The following CNTNAP4 variants were observed in gnomAD, a reference collection of about 807,000 sequenced individuals.
CNTNAP4 encodes contactin associated protein family member 4.
A neutral mutation model predicts 148.4 loss-of-function variants in CNTNAP4; 98 were observed. The observed-to-expected ratio is 0.66, with a 90% CI of 0.56 to 0.78. The LOEUF is 0.78. Among genes scored for constraint, CNTNAP4 ranks in the 30% least tolerant of loss-of-function variants. The pLI is 0.00. For synonymous variants in CNTNAP4, 730 were observed against 565.1 expected (o/e 1.29, Z -4.14); for missense variants, 1,935 against 1,565.6 (o/e 1.24, Z -3.98).
intron 2 of CNTNAP4, among the ~76,000 whole-genome samples, chr16:76,342,295 T>G (rs1322167360): frequency 1.3e-5 from 2 of 152,078 alleles, no homozygotes; most frequent in African/African-American, 4.8e-5. Flanking sequence ...TTTTAAAAAT[T>G]TCACAAAGGG....
chr16:76,460,773 A>AAAAAAAAAAAAATAT, intron 8 of CNTNAP4, among the ~76,000 whole-genome samples: 1 of 57,322 alleles, frequency 1.7e-5, no homozygotes, highest in Non-Finnish European at 3.3e-5. Context: ...AAAAAAAAAA[A>AAAAAAAAAAAAATAT]ATATATATAT....
intron 1 of CNTNAP4, among the ~76,000 whole-genome samples, chr16:76,296,945 G>A (rs1005760643): frequency 7.2e-5 from 11 of 152,092 alleles, no homozygotes; most frequent in Admixed American, 2.0e-4. Flanking sequence ...GTTGCTCTCC[G>A]TTGGCAACTG....
chr16:76,388,841 C>G lies in CNTNAP4; in HGVS notation c.390+33330C>G, dbSNP rs371224492. 1.5e-4 allele frequency among the ~76,000 whole-genome samples: 23 copies of G among 152,210 alleles called. No homozygotes were observed. In the South Asian group the frequency reaches 4.4e-3, roughly 29 times the overall value. ...ATATAATTAAGGCAGTACCTGACTCCAAAGTACAAGTCTGTCCCAACATGC... is the reference window on the plus strand; with the variant it reads ...ATATAATTAAGGCAGTACCTGACTCGAAAGTACAAGTCTGTCCCAACATGC... On this transcript the variant is annotated intron_variant, in intron 3 of 23. Transcript: ENST00000611870.
chr16:76,332,489 C>G (rs554016983), intron 2 of CNTNAP4, among the ~76,000 whole-genome samples: 36 of 152,188 alleles, frequency 2.4e-4, no homozygotes, highest in Middle Eastern at 3.4e-3. Context: ...GTCTTGAACT[C>G]TTGGGCTCAA....
chr16:76,322,500 C>T (rs1226173125), intron 2 of CNTNAP4, among the ~76,000 whole-genome samples: 1 of 152,182 alleles, frequency 6.6e-6, no homozygotes, highest in South Asian at 2.1e-4. Context: ...AATTAATTCA[C>T]TATTCTTGGG....
At position 76,556,982 on chromosome 16, in the gene CNTNAP4, C is replaced by T. The variant is rs137996869; in HGVS notation, c.3734-1508C>T. ...AAAACCTTCAAATCTTTGACTTCCT[C>T]GCACTCCGTTACAGTTGTATACATT... On this transcript the variant is annotated intron_variant, in intron 23 of 23. Coordinates refer to ENST00000611870, the MANE Select transcript of CNTNAP4 (RefSeq NM_033401.5). 2.5e-3 allele frequency among the ~76,000 whole-genome samples: 387 copies of T among 152,256 alleles called. 2 individuals are homozygous for T. The highest frequency in any genetic ancestry group is 8.6e-3 in the African/African-American group (359 of 41,566).
rs370526541 is a variant in CNTNAP4, at chr16:76,306,206, C to T, written c.86-10207C>T. The stretch of plus-strand genomic sequence containing the variant: ...ATGAGATTGCTGGATCAAATAGCTC[C>T]GTTTTAAGTTCTTTGAGAAATATCT... On this transcript the variant is annotated intron_variant, in intron 1 of 23. Transcript: ENST00000611870. Among the ~76,000 whole-genome samples the T allele has an allele frequency of 1.1e-4, 16 of 152,232 alleles. 1 individual carries two copies. In the South Asian group the frequency reaches 2.5e-3, roughly 24 times the overall value.
At chr16:76,541,356 A>C (rs2084446679) in intron 21 of CNTNAP4, among the ~76,000 whole-genome samples, 1 of 152,220 alleles carries the variant, frequency 6.6e-6, no homozygotes, top group African/African-American at 2.4e-5. Flanking sequence ...ACTGGAGTAG[A>C]AATGCACTGT....
At chr16:76,342,114 T>A (rs766321942) in intron 2 of CNTNAP4, among the ~76,000 whole-genome samples, 6 of 152,136 alleles carry the variant, frequency 3.9e-5, no homozygotes, top group Admixed American at 2.0e-4. Flanking sequence ...CCCTCAAGAA[T>A]CATGCAAATC....
intron 3 of CNTNAP4, among the ~76,000 whole-genome samples, chr16:76,381,887 T>C (rs1597376538): frequency 1.3e-5 from 2 of 151,742 alleles, no homozygotes; most frequent in African/African-American, 4.8e-5. Flanking sequence ...GGTGAAACCC[T>C]GTCTCTACTA....
chr16:76,556,536 C>A (rs775129650), intron 23 of CNTNAP4, among the ~76,000 whole-genome samples: 1 of 152,118 alleles, frequency 6.6e-6, no homozygotes, highest in African/African-American at 2.4e-5. Context: ...ATGTAACATT[C>A]ATTTTATAAT....
chr16:76,443,579 A>G (rs1392406006), intron 4 of CNTNAP4, among the ~76,000 whole-genome samples: 1 of 152,052 alleles, frequency 6.6e-6, no homozygotes, highest in African/African-American at 2.4e-5. Flanking sequence ...TGACAGAGGG[A>G]GACCCTGTCC....
chr16:76,434,163 G>A (rs921660605), intron 4 of CNTNAP4, among the ~76,000 whole-genome samples: 21 of 149,424 alleles, frequency 1.4e-4, no homozygotes, highest in Admixed American at 8.7e-4. Context: ...TTGAAATATC[G>A]AATATATATA....
At chr16:76,501,236 G>C (rs1156708069) in intron 15 of CNTNAP4, among the ~76,000 whole-genome samples, 1 of 152,220 alleles carries the variant, frequency 6.6e-6, no homozygotes, top group African/African-American at 2.4e-5. Flanking sequence ...AGATGAGGTT[G>C]TAAACTTCGG....
intron 10 of CNTNAP4, among the ~76,000 whole-genome samples, chr16:76,471,755 T>A (rs931803552): frequency 1.3e-5 from 2 of 152,178 alleles, no homozygotes; most frequent in South Asian, 2.1e-4. Context: ...CCTCCTGTAA[T>A]ACTGAAGGCA....
intron 3 of CNTNAP4, among the ~76,000 whole-genome samples, chr16:76,419,002 C>G (rs1191152862): frequency 6.6e-6 from 1 of 151,860 alleles, no homozygotes; most frequent in Non-Finnish European, 1.5e-5. Flanking sequence ...CAACTGTTAT[C>G]CAGTATTATT....
chr16:76,398,251 G>C (rs954773118), intron 3 of CNTNAP4, among the ~76,000 whole-genome samples: 1 of 149,316 alleles, frequency 6.7e-6, no homozygotes, highest in African/African-American at 2.5e-5. Context: ...GTTGAGGATG[G>C]TTCTGTCTTT....
rs2084611122 is a variant in CNTNAP4 at position 76,544,368 on chromosome 16, C to G, written c.3442+3578C>G. Among the ~76,000 whole-genome samples the G allele has an allele frequency of 4.6e-5, 7 of 152,174 alleles. No individual in the cohort carries two copies. In the South Asian group the frequency reaches 1.2e-3, roughly 27 times the overall value. The stretch of plus-strand genomic sequence containing the variant: ...TCATTTCTTAAATGTAGAAAACATT[C>G]TAGGGGTAATTTTGAATTGCTGACC... On this transcript the variant is annotated intron_variant, in intron 21 of 23. Transcript: ENST00000611870.
chr16:76,339,621 CTG>C (rs1354611820), intron 2 of CNTNAP4, among the ~76,000 whole-genome samples: 2 of 152,170 alleles, frequency 1.3e-5, no homozygotes, highest in African/African-American at 4.8e-5. Flanking sequence ...TTACAAAGGT[CTG>C]TCATTTTACT....
Sources: gnomAD v4.1 joint callset for allele counts (sites outside exome capture counted in the v4.1 genomes callset) on GRCh38, gnomAD v4.1.1 for gene constraint, MANE v1.5 for transcripts, NCBI Gene and HGNC (gene_info 2026-07-23, HGNC 2026-07-21) for gene names.